Variants in PLEK observed in about 807,000 individuals in gnomAD.
PLEK encodes platelet 47 kDa protein.
PLEK carries 25 observed loss-of-function variants against 43.9 expected under a neutral mutation model. The ratio of observed to expected loss-of-function variants is 0.57; its 90% CI spans 0.41 to 0.79. The LOEUF is 0.79. PLEK is among the 30% of genes least tolerant of loss of function. The pLI is 0.00. For synonymous variants in PLEK, 152 were observed against 144.4 expected (o/e 1.05, Z -0.38); for missense variants, 396 against 413.3 (o/e 0.96, Z 0.36).
intron 1 of PLEK, among the ~76,000 whole-genome samples, chr2:68,371,663 G>T (rs1673407211): frequency 6.6e-6 from 1 of 152,182 alleles, no homozygotes; most frequent in African/African-American, 2.4e-5. Flanking sequence ...AAGTGGCAGA[G>T]TTGGGATTTG....
At chr2:68,382,678 T>C (rs1294461443) in intron 4 of PLEK, 45 bp downstream of exon 4, 4 of 1,083,530 alleles carry the variant, frequency 3.7e-6, no homozygotes, top group South Asian at 1.3e-5. Context: ...GGGAAGGCGA[T>C]ATGGAGTCCT....
At chr2:68,395,253 A>C (rs1362453520) in intron 8 of PLEK, among the ~76,000 whole-genome samples, 2 of 150,542 alleles carry the variant, frequency 1.3e-5, no homozygotes, top group Non-Finnish European at 3.0e-5. Flanking sequence ...ATACAAATCT[A>C]TATTAACAGA....
chr2:68,365,453 C>A, intron 1 of PLEK, 60 bp downstream of exon 1: 1 of 1,273,716 alleles, frequency 7.9e-7, no homozygotes, highest in Non-Finnish European at 1.1e-6. Context: ...GACTTGGGTT[C>A]AGCTCCACCG....
intron 7 of PLEK, among the ~76,000 whole-genome samples, chr2:68,393,602 G>A (rs989820042): frequency 1.9e-4 from 29 of 152,132 alleles, no homozygotes; most frequent in African/African-American, 6.5e-4. Flanking sequence ...CTTGGATGAG[G>A]GTATTGTTTA....
chr2:68,369,476 C>T (rs568376902), intron 1 of PLEK, among the ~76,000 whole-genome samples: 149 of 151,176 alleles, frequency 9.9e-4, no homozygotes, highest in Non-Finnish European at 1.1e-3. Context: ...CCTACAAAAC[C>T]GTACTCTTTT....
chr2:68,394,039 C>G lies in PLEK; in HGVS notation c.847-68C>G, dbSNP rs537951007. ...TATTAGAGTGAGTCTGGCTTTTTCA[C>G]CAAGAGGATGAGGTCTATCTATACT... On this transcript the variant is annotated intron_variant, in intron 7 of 8. Coordinates refer to ENST00000234313, the MANE Select transcript of PLEK (RefSeq NM_002664.3). 1.8e-4 allele frequency: 184 copies of G among 1,019,960 alleles called. 3 individuals carry two copies. The South Asian group carries it at 2.3e-3, about 12-fold the overall frequency. The allele number at this position is 1,019,960 out of a possible 1,614,324, so 63.2% of individuals were successfully genotyped here.
chr2:68,373,012 GGTGACA>G lies in PLEK; in HGVS notation c.43-7312_43-7307del, dbSNP rs372900222. ...GGCCTCCACTTTTTTTTATCAATAT[GGTGACA>G]GTGTTGGTAGATGATCCTAAATTTC... On this transcript the variant is annotated intron_variant, in intron 1 of 8. Coordinates refer to ENST00000234313, the MANE Select transcript of PLEK (RefSeq NM_002664.3). Among the ~76,000 whole-genome samples, 250 of 152,164 alleles carry G rather than the reference GGTGACA, an allele frequency of 1.6e-3. 1 individual carries two copies. Among genetic ancestry groups the G allele is most frequent in the African/African-American group, 5.9e-3 (244 of 41,502 alleles).
Position 68,396,140 on chromosome 2 carries a change from C to A in PLEK, c.*324C>A. 1 of 161,580 alleles carries A rather than the reference C, an allele frequency of 6.2e-6. No homozygotes were observed. Among genetic ancestry groups the A allele is most frequent in the Non-Finnish European group, 1.1e-5 (1 of 92,146 alleles). The allele number at this position is 161,580 out of a possible 1,614,324, so 10.0% of individuals were successfully genotyped here. ...TCAACTAGTAGATTCCTGAGGTCCC[C>A]CTAGCTTAAAAAAAAAAAAAATCTG... On this transcript the variant is annotated 3_prime_UTR_variant, in exon 9 of 9. Coordinates refer to ENST00000234313, the MANE Select transcript of PLEK (RefSeq NM_002664.3).
intron 3 of PLEK, among the ~76,000 whole-genome samples, chr2:68,382,267 C>A (rs1673638222): frequency 6.6e-6 from 1 of 152,132 alleles, no homozygotes; most frequent in Non-Finnish European, 1.5e-5. Context: ...ATAATTAAAT[C>A]AACAAACAGC....
At chr2:68,378,295 C>T (rs543469518) in intron 1 of PLEK, among the ~76,000 whole-genome samples, 7 of 152,250 alleles carry the variant, frequency 4.6e-5, no homozygotes, top group African/African-American at 1.2e-4. Flanking sequence ...AATGTAGGTT[C>T]GAGTTTTGAC....
intron 1 of PLEK, among the ~76,000 whole-genome samples, chr2:68,370,082 C>T (rs1673369097): frequency 6.6e-6 from 1 of 152,212 alleles, no homozygotes; most frequent in Non-Finnish European, 1.5e-5. Flanking sequence ...TAATTGAATG[C>T]AGCATCAACT....
At chr2:68,384,523 T>C (rs1673698222) in intron 4 of PLEK, among the ~76,000 whole-genome samples, 1 of 152,174 alleles carries the variant, frequency 6.6e-6, no homozygotes, top group Non-Finnish European at 1.5e-5. Context: ...GGTGGGCTAG[T>C]ACTTCTTAAA....
chr2:68,384,869 C>T (rs1673705521), intron 4 of PLEK, among the ~76,000 whole-genome samples: 1 of 152,190 alleles, frequency 6.6e-6, no homozygotes, highest in African/African-American at 2.4e-5. Context: ...CAATTACCAC[C>T]CTGCCTCTTT....
In PLEK at chr2:68,386,665, C is replaced by A; in HGVS notation, c.636C>A (p.Asn212Lys). ...CTGCTGAAAACCCTTTCCTGGACAACCCTGATGCCTTCTACTACTTTGTAA... is the reference window on the plus strand; with the variant it reads ...CTGCTGAAAACCCTTTCCTGGACAAACCTGATGCCTTCTACTACTTTGTAA... The part of the protein sequence containing the change: ...DGTAENPFLD[N>K]PDAFYYFPDS... The change falls in exon 5 of 9, where the codon AAC becomes AAA. Residue 212 changes from asparagine (N) to lysine (K), a missense_variant. Asn to Lys is a moderately conservative substitution (Grantham distance 94). Transcript: ENST00000234313. 6.2e-7 allele frequency: 1 copy of A among 1,613,322 alleles called. No individual in the cohort carries two copies. The highest frequency in any genetic ancestry group is 1.1e-5 in the South Asian group (1 of 91,018).
chr2:68,382,730 G>T, intron 4 of PLEK, 97 bp downstream of exon 4: 1 of 672,900 alleles, frequency 1.5e-6, no homozygotes, highest in Non-Finnish European at 2.7e-6. Context: ...AAGTATGGGG[G>T]TTGGAAGGGG....
rs529351845 is a variant in PLEK, at chr2:68,394,107, G to A, written c.847G>A (p.Ala283Thr). ...AATGAACAACTCCTTTCTTCTTTAG[G>A]CAGAAGATCCCCTGGGAGCAATTCA... ...AYLHYYDPAG[A>T]EDPLGAIHLR... The change falls in exon 8 of 9, where the codon GCA (alanine) becomes ACA (threonine). Residue 283 changes from alanine to threonine, a missense_variant and splice_region_variant. Transcript: ENST00000234313. 3 of 1,597,642 alleles carry A rather than the reference G, an allele frequency of 1.9e-6. No homozygotes were observed. The highest frequency in any genetic ancestry group is 8.6e-7 in the Non-Finnish European group (1 of 1,165,166).
intron 6 of PLEK, among the ~76,000 whole-genome samples, chr2:68,390,342 C>G (rs1673835068): frequency 6.6e-6 from 1 of 152,192 alleles, no homozygotes; most frequent in Non-Finnish European, 1.5e-5. Context: ...CCAAGTGATT[C>G]TGATGTGCAG....
intron 6 of PLEK, among the ~76,000 whole-genome samples, chr2:68,392,215 CTCT>C (rs1377579042): frequency 2.8e-5 from 4 of 144,434 alleles, no homozygotes; most frequent in Non-Finnish European, 4.5e-5. Flanking sequence ...CCTCTTCCGC[CTCT>C]TCTTCTTCCT....
intron 1 of PLEK, 53 bp downstream of exon 1, chr2:68,365,446 T>G: frequency 7.0e-7 from 1 of 1,435,928 alleles, no homozygotes; most frequent in Non-Finnish European, 9.8e-7. Flanking sequence ...CTGGGGAGAC[T>G]TGGGTTCAGC....
Sources: allele counts gnomAD v4.1 joint callset (sites outside exome capture counted in the v4.1 genomes callset), GRCh38; gene constraint gnomAD v4.1.1; transcripts MANE v1.5; gene names NCBI Gene and HGNC (gene_info 2026-07-23, HGNC 2026-07-21).